COL22A1: variants seen among roughly 807,000 people sequenced by gnomAD.
COL22A1 encodes the protein collagen type XXII alpha 1 chain.
In COL22A1, 221 loss-of-function variants were observed where a neutral mutation model predicts 248.9. The ratio of observed to expected loss-of-function variants is 0.89; its 90% CI spans 0.80 to 0.99. COL22A1 has a LOEUF of 0.99. Ranked by LOEUF, COL22A1 falls within the 50% of genes least tolerant of loss-of-function variation. COL22A1 has a pLI of 0.00. For missense variants in COL22A1, 2,240 were observed against 2,179.0 expected, an observed-to-expected ratio of 1.03 and a Z score of -0.56; for synonymous variants, 891 against 793.4, an observed-to-expected ratio of 1.12 and a Z score of -2.07.
At chr8:138,882,395 C>T (rs1824278187) in intron 2 of COL22A1, among the ~76,000 whole-genome samples, 1 of 125,730 alleles carries the variant, frequency 8.0e-6, no homozygotes, top group Non-Finnish European at 1.8e-5. Context: ...CACACATTAC[C>T]TCAAACTCAC....
At chr8:138,692,211 G>A (rs1827077244) in intron 35 of COL22A1, among the ~76,000 whole-genome samples, 1 of 127,448 alleles carries the variant, frequency 7.8e-6, no homozygotes, top group Non-Finnish European at 1.7e-5. Flanking sequence ...TGTTTGTGGA[G>A]GTGTATGTGT....
At chr8:138,881,015 C>T (rs958281984) in intron 2 of COL22A1, among the ~76,000 whole-genome samples, 5 of 152,220 alleles carry the variant, frequency 3.3e-5, no homozygotes, top group African/African-American at 4.8e-5. Context: ...GAGATCTGAA[C>T]CCGGGCAGGT....
chr8:138,645,919 G>A lies in COL22A1; in HGVS notation c.3501+710C>T, dbSNP rs188298763. Among the ~76,000 whole-genome samples the A allele has an allele frequency of 5.0e-4, 76 of 152,272 alleles. 1 individual carries two copies. The highest frequency in any genetic ancestry group is 1.2e-4 in the Non-Finnish European group (8 of 68,024). ...GAGATAAGGGAGCACACTCTGGGGA[G>A]CACCAATGACAGCGGGAAGGGAATG... On this transcript the variant is annotated intron_variant, in intron 47 of 64. Coordinates refer to ENST00000303045, the MANE Select transcript of COL22A1 (RefSeq NM_152888.3).
chr8:138,817,905 G>C (rs16909663), intron 7 of COL22A1, among the ~76,000 whole-genome samples: 1 of 152,142 alleles, frequency 6.6e-6, no homozygotes, highest in Non-Finnish European at 1.5e-5. Flanking sequence ...CTATAGGGGA[G>C]CTTGGACTCC....
intron 41 of COL22A1, among the ~76,000 whole-genome samples, chr8:138,675,831 T>C (rs1164466654): frequency 6.6e-6 from 1 of 152,224 alleles, no homozygotes; most frequent in Non-Finnish European, 1.5e-5. Context: ...GATACCATAA[T>C]GTTATTCTCA....
At chr8:138,751,000 T>A (rs1832547259) in intron 22 of COL22A1, among the ~76,000 whole-genome samples, 1 of 10,698 alleles carries the variant, frequency 9.3e-5, no homozygotes, top group Admixed American at 1.6e-3. Context: ...GGAAAACAGG[T>A]GCTTAATTAA....
intron 3 of COL22A1, among the ~76,000 whole-genome samples, chr8:138,873,110 G>C (rs138811788): frequency 2.0e-5 from 3 of 152,060 alleles, no homozygotes; most frequent in Admixed American, 2.0e-4. Flanking sequence ...AGTAGGTTCC[G>C]ACAAAAGAAA....
chr8:138,888,041 T>C (rs1403831381), intron 1 of COL22A1, among the ~76,000 whole-genome samples: 1 of 152,262 alleles, frequency 6.6e-6, no homozygotes, highest in East Asian at 1.9e-4. Context: ...GGCTGTACAT[T>C]TCTAAACGTA....
chr8:138,866,636 C>G (rs888703680), intron 3 of COL22A1, among the ~76,000 whole-genome samples: 55 of 152,218 alleles, frequency 3.6e-4, no homozygotes, highest in African/African-American at 1.3e-3. Context: ...GCTGCAGTCT[C>G]CACTTTACTC....
At chr8:138,691,213 G>C (rs1826821917) in intron 35 of COL22A1, among the ~76,000 whole-genome samples, 1 of 152,202 alleles carries the variant, frequency 6.6e-6, no homozygotes, top group Non-Finnish European at 1.5e-5. Context: ...GTGAGGTTTG[G>C]CCTTATCCTA....
At position 138,875,785 on chromosome 8, in the gene COL22A1, G is replaced by A. The variant is rs546177339; in HGVS notation, c.658+1965C>T. ...TCCATGATCTCAGCATTCTGTGTGC[G>A]CTTATCTATAAAAAAGAGAGAATCC... On this transcript the variant is annotated intron_variant, in intron 3 of 64. Coordinates refer to ENST00000303045, the MANE Select transcript of COL22A1 (RefSeq NM_152888.3). 9.2e-5 allele frequency among the ~76,000 whole-genome samples: 14 copies of A among 152,244 alleles called. No homozygotes were observed. The South Asian group carries it at 2.1e-3, about 23-fold the overall frequency.
rs749080161 is a variant in COL22A1, at chr8:138,690,258, A to G, written c.2808+563T>C. On this transcript the variant is annotated intron_variant, in intron 36 of 64. Transcript: ENST00000303045. Reference sequence around the variant, plus strand: ...TGGAGTGTTTTGTTGAACAATGTTCAAGTCTAAATTGGTGTTTATGGTGAA... The same window carrying G: ...TGGAGTGTTTTGTTGAACAATGTTCGAGTCTAAATTGGTGTTTATGGTGAA... 1.6e-3 allele frequency among the ~76,000 whole-genome samples: 249 copies of G among 152,322 alleles called. 1 individual carries two copies. The highest frequency in any genetic ancestry group is 2.9e-3 in the Non-Finnish European group (198 of 68,016).
intron 52 of COL22A1, among the ~76,000 whole-genome samples, chr8:138,623,243 T>C (rs1433029919): frequency 2.0e-5 from 2 of 98,432 alleles, no homozygotes; most frequent in African/African-American, 7.5e-5. Flanking sequence ...TGTACATATA[T>C]ATATATATAT....
chr8:138,877,219 C>T (rs1035839402), intron 3 of COL22A1, among the ~76,000 whole-genome samples: 2 of 152,158 alleles, frequency 1.3e-5, no homozygotes, highest in Non-Finnish European at 2.9e-5. Flanking sequence ...GGATAAGCAC[C>T]TCCTGACTGT....
At chr8:138,820,424 G>A (rs1819014545) in intron 7 of COL22A1, among the ~76,000 whole-genome samples, 1 of 151,976 alleles carries the variant, frequency 6.6e-6, no homozygotes, top group East Asian at 1.9e-4. Flanking sequence ...CATCTCTGTG[G>A]CTACAGATGT....
chr8:138,902,174 GA>G (rs1814636524), intron 1 of COL22A1, among the ~76,000 whole-genome samples: 1 of 152,146 alleles, frequency 6.6e-6, no homozygotes, highest in African/African-American at 2.4e-5. Context: ...GTGGATGCCC[GA>G]AACACAATGA....
chr8:138,805,021 G>GGA (rs1817366357), intron 10 of COL22A1, among the ~76,000 whole-genome samples: 1 of 67,300 alleles, frequency 1.5e-5, no homozygotes, highest in African/African-American at 1.1e-4. Flanking sequence ...GTGGTGGTGT[G>GGA]TGTGTGATAG....
intron 12 of COL22A1, among the ~76,000 whole-genome samples, chr8:138,788,118 C>G (rs1815699747): frequency 6.6e-6 from 1 of 152,166 alleles, no homozygotes; most frequent in South Asian, 2.1e-4. Flanking sequence ...AGCATGGTCA[C>G]AGGCCAGCTG....
intron 6 of COL22A1, 117 bp downstream of exon 6, chr8:138,826,541 T>C: frequency 9.0e-7 from 1 of 1,117,142 alleles, no homozygotes; most frequent in Non-Finnish European, 1.3e-6. Flanking sequence ...CCAGGCTCTC[T>C]ATCTCTCTAG....
Sources: allele counts gnomAD v4.1 joint callset (sites outside exome capture counted in the v4.1 genomes callset), GRCh38; gene constraint gnomAD v4.1.1; transcripts MANE v1.5; gene names NCBI Gene and HGNC (gene_info 2026-07-23, HGNC 2026-07-21).